Variants in RUVBL1 observed in about 807,000 individuals in gnomAD.
RUVBL1 encodes RuvB like AAA ATPase 1, also known as ruvB-like 1.
In RUVBL1, 4 loss-of-function variants were observed where a neutral mutation model predicts 52.4. The observed-to-expected ratio is 0.08, with a 90% CI of 0.04 to 0.17. The LOEUF (loss-of-function observed/expected upper bound fraction) is 0.17, where lower values mean the gene tolerates loss of function less well. Ranked by LOEUF, RUVBL1 falls within the 10% of genes least tolerant of loss-of-function variation. The pLI, the probability that RUVBL1 is intolerant of heterozygous loss-of-function variation, is 1.00. For missense variants in RUVBL1, 298 were observed against 572.8 expected (o/e 0.52, Z 4.90); for synonymous variants, 217 against 214.4 (o/e 1.01, Z -0.10).
Position 128,097,490 on chromosome 3 carries a change from G to T in RUVBL1, c.826C>A (p.Arg276=). 21 of 1,614,106 alleles carry T rather than the reference G, an allele frequency of 1.3e-5. No individual in the cohort carries two copies. Among genetic ancestry groups the T allele is most frequent in the Non-Finnish European group, 1.8e-5 (21 of 1,180,010 alleles). ...PKKTEITDKL[R]GEINKVVNKY... ...TTCACCACCTTATTAATCTCCCCTC[G>T]AAGTTTGTCTAGGAGATGCAAGGAT... The change falls in exon 8 of 11, where the codon CGA becomes AGA. Residue 276 remains arginine, a synonymous_variant. Transcript: ENST00000322623.
chr3:128,130,531 T>C (rs1392162619), intron 1 of RUVBL1, among the ~76,000 whole-genome samples: 3 of 142,890 alleles, frequency 2.1e-5, no homozygotes, highest in Non-Finnish European at 4.5e-5. Context: ...GAGGCCGATG[T>C]GGGAGGATTG....
chr3:128,094,121 A>T (rs1942915239), intron 8 of RUVBL1, among the ~76,000 whole-genome samples: 1 of 152,226 alleles, frequency 6.6e-6, no homozygotes, highest in Non-Finnish European at 1.5e-5. Flanking sequence ...TCTGCAAAAA[A>T]GGTGCTGATA....
At chr3:128,109,809 A>T (rs1241008877) in intron 3 of RUVBL1, among the ~76,000 whole-genome samples, 10 of 80,488 alleles carry the variant, frequency 1.2e-4, no homozygotes, top group East Asian at 8.0e-4. Context: ...CTCTCTGTAA[A>T]TTTTTTTTTT....
chr3:128,097,034 T>C (rs1472528732), intron 8 of RUVBL1, among the ~76,000 whole-genome samples: 1 of 152,184 alleles, frequency 6.6e-6, no homozygotes, highest in Non-Finnish European at 1.5e-5. Context: ...ATCTCACCTT[T>C]GTACACTCCA....
rs556962113 is a variant in RUVBL1 at position 128,111,575 on chromosome 3, G to A, written c.361+1313C>T. Among the ~76,000 whole-genome samples, 3 of 152,170 alleles carry A rather than the reference G, an allele frequency of 2.0e-5. No individual in the cohort carries two copies. In the East Asian group the frequency reaches 5.8e-4, roughly 29 times the overall value. ...CCACCCTGGTCCAAGCCACTATTTTGTCCTGCTCAGACTCCTCTCTGCCCT... is the reference window on the plus strand; with the variant it reads ...CCACCCTGGTCCAAGCCACTATTTTATCCTGCTCAGACTCCTCTCTGCCCT... On this transcript the variant is annotated intron_variant, in intron 3 of 10. Coordinates refer to ENST00000322623, the MANE Select transcript of RUVBL1 (RefSeq NM_003707.3).
chr3:128,114,453 G>A (rs945178487), intron 2 of RUVBL1, among the ~76,000 whole-genome samples: 2 of 152,156 alleles, frequency 1.3e-5, no homozygotes, highest in African/African-American at 4.8e-5. Context: ...TTTTCAGTGT[G>A]ACCTTGGGCA....
intron 2 of RUVBL1, among the ~76,000 whole-genome samples, chr3:128,115,281 C>T (rs1943496827): frequency 6.6e-6 from 1 of 152,114 alleles, no homozygotes; most frequent in African/African-American, 2.4e-5. Context: ...TTGTACTCAC[C>T]CCATGTGAGT....
intron 1 of RUVBL1, among the ~76,000 whole-genome samples, chr3:128,139,502 T>C (rs1407631283): frequency 2.0e-5 from 3 of 152,260 alleles, no homozygotes; most frequent in Non-Finnish European, 2.9e-5. Context: ...ATGGGTATCA[T>C]CTCACTCCAG....
At chr3:128,068,137 G>A in intron 9 of RUVBL1, 1 of 1,056,846 alleles carries the variant, frequency 9.5e-7, no homozygotes, top group South Asian at 1.3e-5. Context: ...ATCCTGATAG[G>A]CCCTAGCACT....
rs142667465 is a variant in RUVBL1, at chr3:128,149,526, T to A, written c.-40+3677A>T. 4.6e-3 allele frequency among the ~76,000 whole-genome samples: 694 copies of A among 152,354 alleles called. 4 individuals carry two copies. The highest frequency in any genetic ancestry group is 0.015 in the African/African-American group (612 of 41,582). On this transcript the variant is annotated intron_variant, in intron 1 of 9. Transcript: ENST00000464873. ...TTCAAACTTACCATAATTATTCTTTTTAAGGACATTTACTTTGTTTATAAT... is the reference window on the plus strand; with the variant it reads ...TTCAAACTTACCATAATTATTCTTTATAAGGACATTTACTTTGTTTATAAT...
chr3:128,122,927 T>C (rs946076739), intron 1 of RUVBL1, among the ~76,000 whole-genome samples: 1 of 152,216 alleles, frequency 6.6e-6, no homozygotes, highest in South Asian at 2.1e-4. Flanking sequence ...GTACTTGGCA[T>C]CACCAGCACT....
chr3:128,073,503 C>T (rs998457316), intron 9 of RUVBL1, among the ~76,000 whole-genome samples: 10 of 152,208 alleles, frequency 6.6e-5, no homozygotes, highest in Non-Finnish European at 1.0e-4. Context: ...GCATGTGGCA[C>T]TGTCCGAGAG....
Position 128,067,838 on chromosome 3 carries a change from T to A in RUVBL1, c.940-2618A>T. On this transcript the variant is annotated intron_variant, in intron 9 of 9. Transcript: ENST00000464873. The surrounding 1 kb of genome is among the most constrained non-coding windows in gnomAD (Gnocchi z 4.1). ...CACTGTAAAGTTAGACTTTTTCATA[T>A]GACTTCCTTGCGGCAGTTTTAAAGT... 1.3e-6 allele frequency: 1 copy of A among 743,234 alleles called. No homozygotes were observed. Among genetic ancestry groups the A allele is most frequent in the Non-Finnish European group, 2.3e-6 (1 of 431,978 alleles). 46.0% of individuals were successfully genotyped at this position (743,234 alleles called of 1,614,324 possible).
intron 8 of RUVBL1, among the ~76,000 whole-genome samples, chr3:128,089,244 A>C (rs1942752331): frequency 6.6e-6 from 1 of 152,090 alleles, no homozygotes; most frequent in African/African-American, 2.4e-5. Context: ...TAGGAATAAC[A>C]CCCCAGGGAG....
rs202044086 is a variant in RUVBL1, at chr3:128,068,033, G to T, written c.940-2813C>A. Reference sequence around the variant, plus strand: ...AGATGGTGATGAGAGGCCACCGAGAGACCTCCATGGTCCATGAACTCAACC... The same window carrying T: ...AGATGGTGATGAGAGGCCACCGAGATACCTCCATGGTCCATGAACTCAACC... On this transcript the variant is annotated intron_variant, in intron 9 of 9. Transcript: ENST00000464873. The T allele has an allele frequency of 1.9e-5, 30 of 1,613,948 alleles. No individual in the cohort carries two copies. The East Asian group carries it at 6.2e-4, about 34-fold the overall frequency.
intron 8 of RUVBL1, among the ~76,000 whole-genome samples, chr3:128,090,380 G>A (rs909195829): frequency 1.6e-4 from 25 of 152,248 alleles, no homozygotes; most frequent in African/African-American, 3.4e-4. Context: ...TTAGCCGGGC[G>A]TGGTGGCGGG....
chr3:128,150,495 ATATG>A (rs964487619), intron 1 of RUVBL1, among the ~76,000 whole-genome samples: 34 of 147,510 alleles, frequency 2.3e-4, no homozygotes, highest in Non-Finnish European at 4.2e-4. Context: ...ATATATATAT[ATATG>A]TATGTTCCAT....
intron 8 of RUVBL1, 46 bp downstream of exon 8, chr3:128,097,254 A>G (rs1943003270): frequency 2.6e-6 from 4 of 1,548,778 alleles, no homozygotes; most frequent in Non-Finnish European, 3.5e-6. Flanking sequence ...AAATGAGCCC[A>G]GATGGAAGTT....
rs775512961 is a variant in RUVBL1, at chr3:128,113,038, G to A, written c.229-18C>T. The A allele has an allele frequency of 9.9e-6, 16 of 1,611,838 alleles. No homozygotes were observed. Among genetic ancestry groups the A allele is most frequent in the East Asian group, 6.7e-5 (3 of 44,840 alleles). On this transcript the variant is annotated intron_variant, in intron 2 of 10. Transcript: ENST00000322623. Reference sequence around the variant, plus strand: ...AGAGCTGTCTACAAAAGAAAGCAACGGAAACACAGTTCACAGTCCTGAAAA... The same window carrying A: ...AGAGCTGTCTACAAAAGAAAGCAACAGAAACACAGTTCACAGTCCTGAAAA...
Sources: allele counts gnomAD v4.1 joint callset (sites outside exome capture counted in the v4.1 genomes callset), GRCh38; gene constraint gnomAD v4.1.1; non-coding constraint Gnocchi (gnomAD v3.1); transcripts MANE v1.5; gene names NCBI Gene and HGNC (gene_info 2026-07-23, HGNC 2026-07-21).